The following OMA1 variants were observed in gnomAD, a reference collection of about 807,000 sequenced individuals.
The protein encoded by OMA1 is metalloendopeptidase OMA1, mitochondrial.
In OMA1, 38 loss-of-function variants were observed where a neutral mutation model predicts 30.9. The ratio of observed to expected loss-of-function variants is 1.23; its 90% CI spans 0.95 to 1.61. The LOEUF (loss-of-function observed/expected upper bound fraction) is 1.61. Ranked by LOEUF, OMA1 falls within the 40% of genes most tolerant of loss-of-function variation. OMA1 has a pLI of 0.00. For missense variants in OMA1, 461 were observed against 349.2 expected (o/e 1.32, Z -2.55); for synonymous variants, 173 against 121.9 (o/e 1.42, Z -2.76).
chr1:58,523,670 A>C (rs1178151380), intron 7 of OMA1, among the ~76,000 whole-genome samples: 3 of 152,036 alleles, frequency 2.0e-5, no homozygotes, highest in East Asian at 1.9e-4. Flanking sequence ...GAGGCCAAGG[A>C]GGGCGGATCA....
At chr1:58,516,333 A>G (rs12133823) in intron 7 of OMA1, among the ~76,000 whole-genome samples, 23,393 of 152,262 alleles carry the variant, frequency 0.15, 1,872 homozygotes, top group Middle Eastern at 0.23. Context: ...ATTTTTAAAA[A>G]GTCATTTCTA....
intron 8 of OMA1, among the ~76,000 whole-genome samples, chr1:58,487,146 A>G (rs538071689): frequency 2.0e-5 from 3 of 152,272 alleles, no homozygotes; most frequent in African/African-American, 4.8e-5. Context: ...ACTTGGGAGG[A>G]GATGATGGTG....
At position 58,536,623 on chromosome 1, in the gene OMA1, C is replaced by T. The variant is rs1163662540; in HGVS notation, c.619G>A (p.Val207Met). Residue 207 changes from valine (V) to methionine (M), a missense_variant, in exon 3 of 9, where the codon GTG becomes ATG. Physicochemically the swap from Val to Met is conservative, Grantham distance 21. Transcript: ENST00000371226. ...LGLSSFGLLF[V>M]VFYFTHLEVS... The stretch of plus-strand genomic sequence containing the variant: ...TCCAGGTGAGTAAAATAAAACACCA[C>T]AAAGAGCAATCCAAAACTACTCAAA... 2.3e-6 allele frequency: 2 copies of T among 872,684 alleles called. No individual in the cohort carries two copies. The highest frequency in any genetic ancestry group is 1.7e-5 in the Admixed American group (1 of 59,160). 54.1% of individuals were successfully genotyped at this position (872,684 alleles called of 1,614,324 possible).
Position 58,539,179 on chromosome 1 carries a change from T to C in OMA1, c.116A>G (p.His39Arg), listed in dbSNP as rs1284573924. 1.1e-6 allele frequency: 1 copy of C among 873,000 alleles called. No homozygotes were observed. Among genetic ancestry groups the C allele is most frequent in the Non-Finnish European group, 2.0e-6 (1 of 501,670 alleles). 54.1% of individuals were successfully genotyped at this position (873,000 alleles called of 1,614,324 possible). A position where few individuals can be genotyped will look rare whatever the true frequency, so the allele number is the denominator to read the frequency against. Residue 39 changes from histidine to arginine, a missense_variant, in exon 2 of 9, where the codon CAT becomes CGT. By Grantham distance (29) the His-to-Arg change is conservative (BLOSUM62 0). Transcript: ENST00000371226. ...TACTATATGGTTAACTTGTACTTGA[T>C]GACAGCCCCGTGAGGTGGATGCTAA... ...NTLASTSRGCHQVQVNHIVNK... is the reference protein window; with the variant it reads ...NTLASTSRGCRQVQVNHIVNK...
intron 7 of OMA1, among the ~76,000 whole-genome samples, chr1:58,519,590 T>C (rs192600031): frequency 6.6e-5 from 10 of 152,102 alleles, no homozygotes; most frequent in Non-Finnish European, 1.3e-4. Context: ...AAAAAAAATA[T>C]ATCATTCAGA....
rs764172736 is a variant in OMA1 at position 58,506,074 on chromosome 1, T to C, written c.1351A>G (p.Arg451Gly). Residue 451 changes from arginine (R) to glycine (G), a missense_variant, in exon 8 of 9, where the codon AGA becomes GGA. Arg to Gly is a moderately radical substitution (Grantham distance 125). Transcript: ENST00000371226. ...SHGNRVEYLD[R>G]LIPQALKIRE... ...TGTCAGCTCACCTGAGGTATAAGTC[T>C]ATCCAAGTACTCAACTCGATTGCCA... 1 of 870,936 alleles carries C rather than the reference T, an allele frequency of 1.1e-6. No individual in the cohort carries two copies. The highest frequency in any genetic ancestry group is 1.3e-5 in the South Asian group (1 of 76,308). The allele number at this position is 870,936 out of a possible 1,614,324, so 54.0% of individuals were successfully genotyped here.
At chr1:58,492,929 A>G (rs1645724478) in intron 8 of OMA1, among the ~76,000 whole-genome samples, 1 of 152,214 alleles carries the variant, frequency 6.6e-6, no homozygotes, top group Non-Finnish European at 1.5e-5. Context: ...GGCCAGCATC[A>G]TCCTGATACC....
At chr1:58,533,082 T>C (rs1226259135) in intron 5 of OMA1, among the ~76,000 whole-genome samples, 1 of 152,220 alleles carries the variant, frequency 6.6e-6, no homozygotes, top group African/African-American at 2.4e-5. Flanking sequence ...ATACTTTCTC[T>C]AATGTAGACA....
At chr1:58,507,120 T>A (rs893003531) in intron 7 of OMA1, among the ~76,000 whole-genome samples, 2 of 151,996 alleles carry the variant, frequency 1.3e-5, no homozygotes, top group Non-Finnish European at 2.9e-5. Flanking sequence ...TATTTTATAA[T>A]TAAAATTATT....
intron 7 of OMA1, among the ~76,000 whole-genome samples, chr1:58,521,048 A>G (rs1441026407): frequency 6.6e-6 from 1 of 152,204 alleles, no homozygotes; most frequent in Non-Finnish European, 1.5e-5. Context: ...CCTGAGCCAC[A>G]AAGCAAGACC....
chr1:58,503,060 G>A (rs1395577299), intron 8 of OMA1, among the ~76,000 whole-genome samples: 3 of 152,086 alleles, frequency 2.0e-5, no homozygotes, highest in African/African-American at 2.4e-5. Flanking sequence ...TTACCTCTCC[G>A]AAGATGCTCA....
rs1453784126 is a variant in OMA1, at chr1:58,537,718, G to A, written c.501-977C>T. 3.9e-5 allele frequency among the ~76,000 whole-genome samples: 6 copies of A among 152,172 alleles called. No homozygotes were observed. The East Asian group carries it at 1.2e-3, about 29-fold the overall frequency. ...ATTCTTAAAGTTCTCTTTGTGAAGT[G>A]ACACACCCCAATGCCTTTACACAAA... is the stretch of plus-strand genomic sequence containing the variant. On this transcript the variant is annotated intron_variant, in intron 2 of 8. Coordinates refer to ENST00000371226, the MANE Select transcript of OMA1 (RefSeq NM_145243.5).
chr1:58,497,761 A>G lies in OMA1; in HGVS notation c.1365+8299T>C, dbSNP rs189525677. 5.9e-5 allele frequency among the ~76,000 whole-genome samples: 9 copies of G among 152,308 alleles called. No individual in the cohort carries two copies. The East Asian group carries it at 1.5e-3, about 26-fold the overall frequency. The stretch of plus-strand genomic sequence containing the variant: ...TATCAACAAAGAAGGTACAATCTAC[A>G]TAACAAACCTTACCCTTGCTCACTG... On this transcript the variant is annotated intron_variant, in intron 8 of 8. Coordinates refer to ENST00000371226, the MANE Select transcript of OMA1 (RefSeq NM_145243.5).
intron 7 of OMA1, among the ~76,000 whole-genome samples, chr1:58,511,618 G>C (rs780126770): frequency 2.0e-5 from 3 of 151,982 alleles, no homozygotes; most frequent in Non-Finnish European, 4.4e-5. Flanking sequence ...AACAGAGCAA[G>C]ACCCTGTCTC....
chr1:58,513,595 G>A (rs1646114858), intron 7 of OMA1, among the ~76,000 whole-genome samples: 1 of 152,138 alleles, frequency 6.6e-6, no homozygotes, highest in Non-Finnish European at 1.5e-5. Context: ...AAATACTTTG[G>A]TCCTAGAATA....
intron 7 of OMA1, among the ~76,000 whole-genome samples, chr1:58,510,086 A>G (rs896191884): frequency 7.2e-5 from 11 of 152,176 alleles, no homozygotes; most frequent in Admixed American, 1.3e-4. Context: ...AATGACTCTC[A>G]AAGTCTTCCA....
rs751900815 is a variant in OMA1 at position 58,481,098 on chromosome 1, G to C, written c.1442C>G (p.Thr481Arg). 1.3e-5 allele frequency: 11 copies of C among 871,648 alleles called. No homozygotes were observed. In the East Asian group the frequency reaches 1.9e-4, roughly 15 times the overall value. The allele number at this position is 871,648 out of a possible 1,614,324, so 54.0% of individuals were successfully genotyped here. A position where few individuals can be genotyped will look rare whatever the true frequency, so the allele number is the denominator to read the frequency against. Reference protein sequence around the residue: ...PDPRLLFKLSTKHFLEESEKE... With the variant: ...PDPRLLFKLSRKHFLEESEKE... ...CTCTGATTCTTCAAGAAAATGCTTCGTGCTGAGTTTGAATAGTAATCGAGG... is the reference window on the plus strand; with the variant it reads ...CTCTGATTCTTCAAGAAAATGCTTCCTGCTGAGTTTGAATAGTAATCGAGG... The change falls in exon 9 of 9, where the codon ACG becomes AGG. Residue 481 changes from threonine to arginine, a missense_variant. Physicochemically the swap from Thr to Arg is moderately conservative, Grantham distance 71 (BLOSUM62 -1). Coordinates refer to ENST00000371226, the MANE Select transcript of OMA1 (RefSeq NM_145243.5).
chr1:58,534,389 C>CT, intron 3 of OMA1, 58 bp from the exon 4 acceptor site: 1 of 730,742 alleles, frequency 1.4e-6, no homozygotes, highest in Non-Finnish European at 2.3e-6. Context: ...GCTTACTCTG[C>CT]TTCATGGAAA....
chr1:58,527,173 T>C (rs1168679080), intron 7 of OMA1, 88 bp downstream of exon 7: 9 of 784,226 alleles, frequency 1.1e-5, no homozygotes, highest in East Asian at 2.4e-5. Context: ...TCTCATTCTC[T>C]GCTTATGCCA....
Sources: allele counts gnomAD v4.1 joint callset (sites outside exome capture counted in the v4.1 genomes callset), GRCh38; gene constraint gnomAD v4.1.1; transcripts MANE v1.5; gene names NCBI Gene and HGNC (gene_info 2026-07-23, HGNC 2026-07-21).